The following PLXNA4 variants were observed in gnomAD, a reference collection of about 807,000 sequenced individuals.
The protein encoded by PLXNA4 is plexin-A4.
Under a neutral mutation model 191.8 loss-of-function variants are expected in PLXNA4, and 44 were observed. The observed-to-expected ratio is 0.23, with a 90% CI of 0.18 to 0.29. PLXNA4 has a LOEUF of 0.29. Ranked by LOEUF, PLXNA4 falls within the 10% of genes least tolerant of loss-of-function variation. The probability of loss-of-function intolerance (pLI) is 1.00; values close to 1 mark genes in which losing one functional copy is unlikely to be tolerated. For synonymous variants in PLXNA4, 1,082 were observed against 1,009.5 expected (o/e 1.07, Z -1.36); for missense variants, 1,800 against 2,488.8 (o/e 0.72, Z 5.89).
chr7:132,200,756 G>A (rs1242396617), intron 12 of PLXNA4, among the ~76,000 whole-genome samples: 1 of 152,218 alleles, frequency 6.6e-6, no homozygotes, highest in East Asian at 1.9e-4. Context: ...GTGAGTGGGG[G>A]TATGAAGTCT....
intron 3 of PLXNA4, among the ~76,000 whole-genome samples, chr7:132,453,378 G>A (rs1796198755): frequency 6.6e-6 from 1 of 152,116 alleles, no homozygotes. Flanking sequence ...CTCAGCCCTT[G>A]TGAGAAATAC....
rs372562534 is a variant in PLXNA4 at position 132,227,562 on chromosome 7, C to T, written c.1771G>A (p.Val591Ile). 8.6e-5 allele frequency: 138 copies of T among 1,614,008 alleles called. No individual in the cohort carries two copies. The highest frequency in any genetic ancestry group is 1.1e-4 in the Non-Finnish European group (125 of 1,180,042). ...TYNVPELSAG[V>I]NCTFEDLSEM... ...GACAGGTCCTCAAAGGTGCAGTTGACGCCAGCTGACAGCTCCGGGACATTG... is the reference window on the plus strand; with the variant it reads ...GACAGGTCCTCAAAGGTGCAGTTGATGCCAGCTGACAGCTCCGGGACATTG... Residue 591 changes from valine to isoleucine, a missense_variant, in exon 7 of 32, where the codon GTC becomes ATC. Physicochemically the swap from Val to Ile is conservative, Grantham distance 29 (BLOSUM62 3). Coordinates refer to ENST00000321063, the MANE Select transcript of PLXNA4 (RefSeq NM_020911.2).
intron 7 of PLXNA4, 108 bp downstream of exon 7, chr7:132,227,339 TCTGA>T (rs1409476326): frequency 1.4e-6 from 2 of 1,434,310 alleles, no homozygotes; most frequent in Non-Finnish European, 1.9e-6. Context: ...TGCCCCTTCC[TCTGA>T]CTCTCTCCTG....
At chr7:132,316,734 C>G (rs1383218057) in intron 3 of PLXNA4, among the ~76,000 whole-genome samples, 1 of 152,200 alleles carries the variant, frequency 6.6e-6, no homozygotes, top group Non-Finnish European at 1.5e-5. Context: ...CTCTTAACTT[C>G]TGAACCTGTT....
intron 29 of PLXNA4, 128 bp downstream of exon 29, chr7:132,144,991 A>G: frequency 2.9e-6 from 4 of 1,373,128 alleles, no homozygotes; most frequent in Non-Finnish European, 4.0e-6. Context: ...GTGCCTGCTC[A>G]GAGTCCCTGC....
At chr7:132,633,506 T>A (rs541460040) in intron 2 of PLXNA4, among the ~76,000 whole-genome samples, 1 of 152,134 alleles carries the variant, frequency 6.6e-6, no homozygotes, top group African/African-American at 2.4e-5. Flanking sequence ...TGGTCTTGAT[T>A]TTCTGACCTT....
At chr7:132,380,399 T>C (rs901442964) in intron 3 of PLXNA4, among the ~76,000 whole-genome samples, 2 of 152,154 alleles carry the variant, frequency 1.3e-5, no homozygotes, top group African/African-American at 4.8e-5. Flanking sequence ...TCACCCTGCC[T>C]GGTCCCTGAC....
chr7:132,189,030 A>AGAG (rs1797000678), intron 14 of PLXNA4, among the ~76,000 whole-genome samples: 3 of 61,910 alleles, frequency 4.8e-5, no homozygotes, highest in Non-Finnish European at 6.3e-5. Context: ...GAGAGAGAGA[A>AGAG]AGAGAGAGAG....
At chr7:132,170,173 T>C (rs1796242211) in intron 21 of PLXNA4, among the ~76,000 whole-genome samples, 1 of 152,236 alleles carries the variant, frequency 6.6e-6, no homozygotes, top group Admixed American at 6.5e-5. Flanking sequence ...AAAATGAACA[T>C]AATGATAGCT....
intron 3 of PLXNA4, among the ~76,000 whole-genome samples, chr7:132,343,906 G>A (rs1803136088): frequency 6.6e-6 from 1 of 152,110 alleles, no homozygotes; most frequent in Non-Finnish European, 1.5e-5. Flanking sequence ...GACAGAGTGA[G>A]GCTGTCTCAA....
In PLXNA4 at chr7:132,428,766, A is replaced by C. The variant is rs183815986; in HGVS notation, c.1371+60526T>G. 6.8e-4 allele frequency among the ~76,000 whole-genome samples: 103 copies of C among 152,240 alleles called. 3 individuals carry two copies. Among genetic ancestry groups the C allele is most frequent in the African/African-American group, 2.2e-3 (91 of 41,544 alleles). ...CCTCCCACTCCATTCCCTGTCTGCA[A>C]TTGTTTCCAATCAGTTTAGGAAACA... On this transcript the variant is annotated intron_variant, in intron 3 of 31. Coordinates refer to ENST00000321063, the MANE Select transcript of PLXNA4 (RefSeq NM_020911.2).
chr7:132,257,988 C>T (rs1384810956), intron 4 of PLXNA4, among the ~76,000 whole-genome samples: 1 of 152,196 alleles, frequency 6.6e-6, no homozygotes, highest in Non-Finnish European at 1.5e-5. Context: ...ATAAAGCCAG[C>T]TCTCTGAGAT....
chr7:132,227,373 C>G, intron 7 of PLXNA4, 78 bp downstream of exon 7: 1 of 1,573,952 alleles, frequency 6.4e-7, no homozygotes, highest in Non-Finnish European at 8.6e-7. Flanking sequence ...TGCTTTGATC[C>G]CCCCACATCT....
chr7:132,512,202 G>C (rs1387490788), intron 1 of PLXNA4, among the ~76,000 whole-genome samples: 1 of 152,238 alleles, frequency 6.6e-6, no homozygotes, highest in African/African-American at 2.4e-5. Flanking sequence ...TTTCTGAGGA[G>C]AGAACTTCGC....
At chr7:132,145,318 C>A in intron 28 of PLXNA4, 30 bp from the exon 29 acceptor site, 1 of 1,612,326 alleles carries the variant, frequency 6.2e-7, no homozygotes, top group Non-Finnish European at 8.5e-7. Flanking sequence ...CCAGACACAG[C>A]TCGACTCACG....
chr7:132,579,059 A>G (rs2116809084), upstream of PLXNA4, among the ~76,000 whole-genome samples: 1 of 152,286 alleles, frequency 6.6e-6, no homozygotes, highest in East Asian at 1.9e-4. Flanking sequence ...CACTGAGGAT[A>G]CAAAATCCAA....
chr7:132,413,320 T>A (rs1295190872), intron 3 of PLXNA4, among the ~76,000 whole-genome samples: 1 of 152,168 alleles, frequency 6.6e-6, no homozygotes, highest in Non-Finnish European at 1.5e-5. Context: ...TTTGCTTCAC[T>A]GGCTGGGCCT....
At chr7:132,151,552 A>G (rs1795639444) in intron 25 of PLXNA4, among the ~76,000 whole-genome samples, 2 of 99,548 alleles carry the variant, frequency 2.0e-5, no homozygotes, top group Non-Finnish European at 4.4e-5. Flanking sequence ...AGAAAGGAGG[A>G]GGAGGAGAAA....
At chr7:132,158,986 C>G (rs935871079) in intron 25 of PLXNA4, among the ~76,000 whole-genome samples, 15 of 152,198 alleles carry the variant, frequency 9.9e-5, no homozygotes, top group African/African-American at 3.6e-4. Context: ...TCTCTCCATT[C>G]TCTATCACTG....
Sources: gnomAD v4.1 joint callset for allele counts (sites outside exome capture counted in the v4.1 genomes callset) on GRCh38, gnomAD v4.1.1 for gene constraint, MANE v1.5 for transcripts, NCBI Gene and HGNC (gene_info 2026-07-23, HGNC 2026-07-21) for gene names.